BBS4: variants seen among roughly 807,000 people sequenced by gnomAD.
The protein encoded by BBS4 is BBSome complex member BBS4.
Under a neutral mutation model 71.4 loss-of-function variants are expected in BBS4, and 58 were observed. The ratio of observed to expected loss-of-function variants is 0.81; its 90% CI spans 0.66 to 1.01. BBS4 has a LOEUF of 1.01. Among genes scored for constraint, BBS4 ranks in the 50% least tolerant of loss-of-function variants. The pLI, the probability that BBS4 is intolerant of heterozygous loss-of-function variation, is 0.00. For synonymous variants in BBS4, 228 were observed against 216.8 expected (o/e 1.05, Z -0.46); for missense variants, 660 against 607.9 (o/e 1.09, Z -0.90).
At chr15:72,695,008 T>C (rs1159768923) in intron 1 of BBS4, among the ~76,000 whole-genome samples, 169 bp from the exon 2 acceptor site, 1 of 152,324 alleles carries the variant, frequency 6.6e-6, no homozygotes, top group East Asian at 1.9e-4. Context: ...AAAGTATGAC[T>C]TGACATTTGT....
At chr15:72,720,832 G>T (rs1253682306) in intron 6 of BBS4, among the ~76,000 whole-genome samples, 1 of 152,190 alleles carries the variant, frequency 6.6e-6, no homozygotes, top group Admixed American at 6.5e-5. Context: ...CCTCCTGAAA[G>T]ATAGGATTTG....
chr15:72,717,081 T>A, intron 6 of BBS4: 1 of 540,136 alleles, frequency 1.9e-6, no homozygotes, highest in Non-Finnish European at 3.3e-6. Context: ...CTCTTACCAG[T>A]CTGATTCTTG....
chr15:72,718,200 A>G (rs2065501934), intron 6 of BBS4, among the ~76,000 whole-genome samples: 2 of 152,142 alleles, frequency 1.3e-5, no homozygotes, highest in South Asian at 4.1e-4. Flanking sequence ...CTTATCTTCC[A>G]TATCATCATT....
At chr15:72,698,184 C>T (rs1008212091) in intron 2 of BBS4, 3 of 299,490 alleles carry the variant, frequency 1.0e-5, no homozygotes, top group Non-Finnish European at 2.1e-5. Context: ...AAAACCTGAT[C>T]TCAGCTTGAT....
chr15:72,710,486 C>T (rs1487504512), intron 3 of BBS4, among the ~76,000 whole-genome samples: 1 of 152,146 alleles, frequency 6.6e-6, no homozygotes, highest in Non-Finnish European at 1.5e-5. Flanking sequence ...AGGCGTGAGC[C>T]ACCGTGCCCA....
chr15:72,732,748 C>T (rs1409830873), intron 12 of BBS4, among the ~76,000 whole-genome samples: 5 of 152,194 alleles, frequency 3.3e-5, no homozygotes, highest in African/African-American at 7.2e-5. Context: ...CATGCTACAC[C>T]GTGCAGGGCC....
intron 8 of BBS4, among the ~76,000 whole-genome samples, chr15:72,727,111 GCT>G (rs1243466041): frequency 1.3e-5 from 2 of 152,206 alleles, no homozygotes; most frequent in African/African-American, 2.4e-5. Flanking sequence ...AATTGAGAAA[GCT>G]CTGTTTGGTC....
At chr15:72,712,876 T>A (rs1048158014) in intron 4 of BBS4, among the ~76,000 whole-genome samples, 1 of 152,224 alleles carries the variant, frequency 6.6e-6, no homozygotes, top group Admixed American at 6.5e-5. Flanking sequence ...AAATTAACTT[T>A]AGCTTACTAT....
intron 12 of BBS4, among the ~76,000 whole-genome samples, chr15:72,732,631 T>A (rs865849877): frequency 1.3e-5 from 2 of 149,180 alleles, no homozygotes; most frequent in African/African-American, 2.5e-5. Context: ...AAGATAACTT[T>A]AAAAAAAAAA....
At chr15:72,721,430 C>G (rs2065573811) in intron 6 of BBS4, among the ~76,000 whole-genome samples, 1 of 151,762 alleles carries the variant, frequency 6.6e-6, no homozygotes, top group South Asian at 2.1e-4. Flanking sequence ...TCTGTCTGCA[C>G]TTACGTATGA....
intron 3 of BBS4, among the ~76,000 whole-genome samples, chr15:72,710,519 T>G (rs905139486): frequency 5.9e-5 from 9 of 151,860 alleles, no homozygotes; most frequent in Admixed American, 5.9e-4. Context: ...ATTTTTTAAT[T>G]TCTCTCTTAC....
chr15:72,718,049 A>C (rs986806188), intron 6 of BBS4, among the ~76,000 whole-genome samples: 9 of 152,150 alleles, frequency 5.9e-5, no homozygotes, highest in Non-Finnish European at 1.3e-4. Flanking sequence ...GGGTTTCACC[A>C]TGTTGGCTAG....
intron 8 of BBS4, among the ~76,000 whole-genome samples, chr15:72,726,522 T>C (rs1458017266): frequency 6.6e-6 from 1 of 152,266 alleles, no homozygotes; most frequent in Non-Finnish European, 1.5e-5. Flanking sequence ...TTCCTAATAA[T>C]TAGATTCTGA....
At chr15:72,715,947 T>G (rs148371959) in intron 5 of BBS4, among the ~76,000 whole-genome samples, 1 of 152,338 alleles carries the variant, frequency 6.6e-6, no homozygotes, top group Non-Finnish European at 1.5e-5. Flanking sequence ...CAGCATTTTA[T>G]TATAAAGTTG....
intron 2 of BBS4, among the ~76,000 whole-genome samples, chr15:72,698,209 T>G (rs979483772): frequency 7.9e-5 from 12 of 152,176 alleles, no homozygotes; most frequent in African/African-American, 2.7e-4. Flanking sequence ...GGTTTTAGAC[T>G]AATTGTTTAA....
At chr15:72,737,042 TG>T in intron 15 of BBS4, 79 bp downstream of exon 15, 5 of 1,505,356 alleles carry the variant, frequency 3.3e-6, no homozygotes, top group Non-Finnish European at 4.6e-6. Context: ...TAGCTTTCAG[TG>T]AGGTTCTCTT....
At chr15:72,719,957 G>T (rs1449038711) in intron 6 of BBS4, among the ~76,000 whole-genome samples, 1 of 151,300 alleles carries the variant, frequency 6.6e-6, no homozygotes, top group South Asian at 2.1e-4. Context: ...CACCATGTTG[G>T]TCAGGCTGGT....
chr15:72,699,738 A>G (rs922117998), intron 2 of BBS4, among the ~76,000 whole-genome samples: 2 of 152,206 alleles, frequency 1.3e-5, no homozygotes, highest in Non-Finnish European at 2.9e-5. Flanking sequence ...GGAGCCATAC[A>G]GTATCTACTA....
intron 1 of BBS4, 42 bp downstream of exon 1, chr15:72,686,293 A>T: frequency 6.4e-7 from 1 of 1,555,632 alleles, no homozygotes; most frequent in Non-Finnish European, 8.7e-7. Context: ...CCGCAGGGCA[A>T]GGCAAGCTGG....
Sources: allele counts gnomAD v4.1 joint callset (sites outside exome capture counted in the v4.1 genomes callset), GRCh38; gene constraint gnomAD v4.1.1; transcripts MANE v1.5; gene names NCBI Gene and HGNC (gene_info 2026-07-23, HGNC 2026-07-21).